EIPR1: variants seen among roughly 807,000 people sequenced by gnomAD.
EIPR1 encodes the protein EARP and GARP complex-interacting protein 1.
Under a neutral mutation model 48.1 loss-of-function variants are expected in EIPR1, and 25 were observed. The observed-to-expected ratio is 0.52, with a 90% CI of 0.38 to 0.73. The LOEUF (loss-of-function observed/expected upper bound fraction) is 0.73, where lower values mean the gene tolerates loss of function less well. EIPR1 is among the 30% of genes least tolerant of loss of function. EIPR1 has a pLI of 0.00. For missense variants in EIPR1, 415 were observed against 506.2 expected (o/e 0.82, Z 1.73); for synonymous variants, 204 against 201.9 (o/e 1.01, Z -0.09).
intron 3 of EIPR1, among the ~76,000 whole-genome samples, chr2:3,259,051 G>C (rs184758123): frequency 4.6e-5 from 7 of 151,984 alleles, no homozygotes; most frequent in African/African-American, 1.7e-4. Context: ...ATTTGGAGTA[G>C]GAAAGAAAAA....
chr2:3,248,022 C>T (rs923287615), intron 4 of EIPR1, among the ~76,000 whole-genome samples: 5 of 151,976 alleles, frequency 3.3e-5, no homozygotes, highest in African/African-American at 1.2e-4. Context: ...AATGTGATCC[C>T]CAGTGCTGGA....
intron 3 of EIPR1, among the ~76,000 whole-genome samples, chr2:3,322,301 G>T (rs1669560639): frequency 6.6e-6 from 1 of 152,212 alleles, no homozygotes; most frequent in Non-Finnish European, 1.5e-5. Context: ...TTAGATGGTG[G>T]GTGCCTGGAG....
intron 3 of EIPR1, among the ~76,000 whole-genome samples, chr2:3,314,834 C>T (rs1669236354): frequency 6.6e-6 from 1 of 151,896 alleles, no homozygotes; most frequent in Non-Finnish European, 1.5e-5. Context: ...CCTGCGGATG[C>T]TCTCACCTAG....
At chr2:3,361,975 C>T (rs757736326) in intron 1 of EIPR1, among the ~76,000 whole-genome samples, 2 of 152,258 alleles carry the variant, frequency 1.3e-5, no homozygotes, top group Non-Finnish European at 2.9e-5. Context: ...TGACTTTTCT[C>T]ATCCACACCT....
At chr2:3,296,558 T>C (rs377602634) in intron 3 of EIPR1, among the ~76,000 whole-genome samples, 14 of 107,818 alleles carry the variant, frequency 1.3e-4, no homozygotes, top group African/African-American at 4.0e-4. Flanking sequence ...ATCCTCTGTA[T>C]ACACACACAC....
At chr2:3,332,419 C>A (rs953112145) in intron 3 of EIPR1, among the ~76,000 whole-genome samples, 2 of 152,194 alleles carry the variant, frequency 1.3e-5, no homozygotes, top group Non-Finnish European at 2.9e-5. Flanking sequence ...GACCAGGCTT[C>A]TTCCAGGTGG....
intron 5 of EIPR1, among the ~76,000 whole-genome samples, chr2:3,209,195 C>T (rs530055173): frequency 4.6e-5 from 7 of 152,286 alleles, no homozygotes; most frequent in South Asian, 2.1e-4. Context: ...TAAGGAGACA[C>T]GCAGTGGGGC....
chr2:3,294,708 C>CCT (rs201491874), intron 3 of EIPR1, among the ~76,000 whole-genome samples: 1 of 138,286 alleles, frequency 7.2e-6, no homozygotes, highest in Non-Finnish European at 1.6e-5. Context: ...TCCAGCCCAT[C>CCT]CTCTCTACAC....
At chr2:3,245,453 T>C (rs1013839146) in intron 4 of EIPR1, among the ~76,000 whole-genome samples, 4 of 152,204 alleles carry the variant, frequency 2.6e-5, no homozygotes, top group Non-Finnish European at 5.9e-5. Context: ...CCTCAGGTGA[T>C]CCACCCGCCT....
intron 5 of EIPR1, among the ~76,000 whole-genome samples, chr2:3,202,678 C>T (rs1665089967): frequency 6.6e-6 from 1 of 152,154 alleles, no homozygotes; most frequent in Non-Finnish European, 1.5e-5. Context: ...GCAAGCTGAG[C>T]CCCCAACAGA....
chr2:3,278,565 C>A (rs1310352938), intron 3 of EIPR1, among the ~76,000 whole-genome samples: 1 of 152,196 alleles, frequency 6.6e-6, no homozygotes, highest in Non-Finnish European at 1.5e-5. Context: ...AGCTCACCCT[C>A]TTCCTTCCTC....
intron 2 of EIPR1, among the ~76,000 whole-genome samples, chr2:3,351,058 G>A (rs1159321360): frequency 6.6e-6 from 1 of 150,872 alleles, no homozygotes; most frequent in African/African-American, 2.4e-5. Context: ...GAGTGCAGTG[G>A]TGCGATCTCG....
At chr2:3,302,968 G>GT (rs889755384) in intron 3 of EIPR1, among the ~76,000 whole-genome samples, 3 of 152,178 alleles carry the variant, frequency 2.0e-5, no homozygotes, top group African/African-American at 4.8e-5. Context: ...ATCTGACTCC[G>GT]TTTTTTTCAT....
intron 4 of EIPR1, among the ~76,000 whole-genome samples, chr2:3,217,254 G>A (rs1188657832): frequency 1.3e-5 from 2 of 152,202 alleles, no homozygotes; most frequent in Non-Finnish European, 1.5e-5. Context: ...TGAAACACTA[G>A]CATGTACTCA....
At chr2:3,222,183 C>G (rs1379873519) in intron 4 of EIPR1, among the ~76,000 whole-genome samples, 1 of 152,266 alleles carries the variant, frequency 6.6e-6, no homozygotes, top group East Asian at 1.9e-4. Context: ...GCAACGCCTT[C>G]TTCCCCTGGC....
At chr2:3,371,379 T>C (rs1222402576) in intron 1 of EIPR1, among the ~76,000 whole-genome samples, 1 of 151,844 alleles carries the variant, frequency 6.6e-6, no homozygotes, top group East Asian at 1.9e-4. Context: ...AATTCACACA[T>C]AATATTAACC....
At position 3,189,274 on chromosome 2, in the gene EIPR1, T is replaced by TA; in HGVS notation, c.*59_*60insT. 6.9e-7 allele frequency: 1 copy of TA among 1,449,638 alleles called. No homozygotes were observed. Among genetic ancestry groups the TA allele is most frequent in the Non-Finnish European group, 9.2e-7 (1 of 1,084,656 alleles). The allele number at this position is 1,449,638 out of a possible 1,614,324, so 89.8% of individuals were successfully genotyped here. A position where few individuals can be genotyped will look rare whatever the true frequency, so the allele number is the denominator to read the frequency against. ...AGTCACCTCCAAAGAGCTGCGACTGTTTGAGAATCTGCCAAGAGGAAAACC... is the reference window on the plus strand; with the variant it reads ...AGTCACCTCCAAAGAGCTGCGACTGTATTGAGAATCTGCCAAGAGGAAAACC... On this transcript the variant is annotated 3_prime_UTR_variant, in exon 9 of 9. Coordinates refer to ENST00000382125, the MANE Select transcript of EIPR1 (RefSeq NM_003310.5). This position sits in a 1 kb window ranked among gnomAD's most constrained non-coding sequence, Gnocchi z 4.6.
intron 4 of EIPR1, among the ~76,000 whole-genome samples, chr2:3,235,851 T>C (rs1666388825): frequency 6.6e-6 from 1 of 152,202 alleles, no homozygotes; most frequent in Admixed American, 6.5e-5. Context: ...AGGTAAAGAA[T>C]GCCCCAAATT....
intron 3 of EIPR1, among the ~76,000 whole-genome samples, chr2:3,296,102 C>CTG (rs1219581123): frequency 2.1e-5 from 3 of 139,870 alleles, no homozygotes; most frequent in East Asian, 2.3e-4. Context: ...AGCCCATCCT[C>CTG]TCTACACACA....
Sources: gnomAD v4.1 joint callset for allele counts (sites outside exome capture counted in the v4.1 genomes callset) on GRCh38, gnomAD v4.1.1 for gene constraint, Gnocchi (gnomAD v3.1) non-coding constraint, MANE v1.5 for transcripts, NCBI Gene and HGNC (gene_info 2026-07-23, HGNC 2026-07-21) for gene names.